Variants in RBFOX1 observed in about 807,000 individuals in gnomAD.
RBFOX1 encodes RNA binding fox-1 homolog 1.
Under a neutral mutation model 57.7 loss-of-function variants are expected in RBFOX1, and 8 were observed. That is an observed-to-expected ratio of 0.14 (90% CI 0.08 to 0.25). The LOEUF is 0.25. Among genes scored for constraint, RBFOX1 ranks in the 10% least tolerant of loss-of-function variants. The pLI is 1.00. For missense variants in RBFOX1, 611 were observed against 548.5 expected (o/e 1.11, Z -1.14); for synonymous variants, 326 against 222.4 (o/e 1.47, Z -4.15).
intron 4 of RBFOX1, among the ~76,000 whole-genome samples, chr16:7,449,480 G>A (rs529772958): frequency 5.9e-5 from 9 of 152,194 alleles, no homozygotes; most frequent in African/African-American, 1.9e-4. Flanking sequence ...TCACTAACGC[G>A]CCCCTTGCCA....
At chr16:6,263,375 T>G (rs935065174) in intron 1 of RBFOX1, among the ~76,000 whole-genome samples, 6 of 152,172 alleles carry the variant, frequency 3.9e-5, no homozygotes, top group Non-Finnish European at 8.8e-5. Flanking sequence ...ATCTATGTTT[T>G]CACGGGAGGG....
chr16:6,901,387 ACAGGACGTTC>A (rs966340532), intron 3 of RBFOX1, among the ~76,000 whole-genome samples: 5 of 152,142 alleles, frequency 3.3e-5, no homozygotes, highest in African/African-American at 1.2e-4. Flanking sequence ...ATCAAAGTGA[ACAGGACGTTC>A]CTACTACCTT....
chr16:6,818,649 C>T (rs1378643556), intron 3 of RBFOX1, among the ~76,000 whole-genome samples: 4 of 152,244 alleles, frequency 2.6e-5, no homozygotes, highest in African/African-American at 9.6e-5. Flanking sequence ...TGCTATTATT[C>T]ATTTTTCCCC....
Position 5,835,657 on chromosome 16 carries a change from C to T in RBFOX1, c.319-31646C>T, listed in dbSNP as rs1284160934. Among the ~76,000 whole-genome samples, 4 of 152,310 alleles carry T rather than the reference C, an allele frequency of 2.6e-5. No homozygotes were observed. The East Asian group carries it at 5.8e-4, about 22-fold the overall frequency. The stretch of plus-strand genomic sequence containing the variant: ...TCTGAAGCAGGTGGCTCTGCCTGGA[C>T]CCTTCTTCTTAAGGTTTTATGAGGA... On this transcript the variant is annotated intron_variant, in intron 3 of 19. Coordinates refer to the RBFOX1 transcript ENST00000641259.
chr16:7,243,349 T>C (rs1391802856), intron 4 of RBFOX1, among the ~76,000 whole-genome samples: 1 of 152,178 alleles, frequency 6.6e-6, no homozygotes, highest in Non-Finnish European at 1.5e-5. Context: ...TTTAGTTCTT[T>C]TATGTATGAG....
At chr16:6,052,801 A>AAATAT (rs1018380920) in intron 1 of RBFOX1, among the ~76,000 whole-genome samples, 1 of 85,906 alleles carries the variant, frequency 1.2e-5, no homozygotes, top group African/African-American at 4.1e-5. Flanking sequence ...AAATAAAATA[A>AAATAT]AATATAATAA....
chr16:5,851,358 C>T (rs939790403), intron 3 of RBFOX1, among the ~76,000 whole-genome samples: 5 of 152,106 alleles, frequency 3.3e-5, no homozygotes, highest in Non-Finnish European at 7.4e-5. Context: ...TTCATTTCAC[C>T]GTCATCTTGC....
chr16:5,649,791 G>A (rs2049172594), intron 3 of RBFOX1, among the ~76,000 whole-genome samples: 1 of 152,192 alleles, frequency 6.6e-6, no homozygotes, highest in Admixed American at 6.5e-5. Flanking sequence ...AACTGCTTGT[G>A]TTGACAACAT....
At chr16:7,023,290 C>G (rs987167279) in intron 3 of RBFOX1, among the ~76,000 whole-genome samples, 1 of 151,714 alleles carries the variant, frequency 6.6e-6, no homozygotes, top group African/African-American at 2.4e-5. Context: ...CAGACCGCAT[C>G]TCTACTAAAA....
intron 1 of RBFOX1, among the ~76,000 whole-genome samples, chr16:6,064,135 G>C (rs760126432): frequency 6.6e-6 from 1 of 152,068 alleles, no homozygotes; most frequent in African/African-American, 2.4e-5. Flanking sequence ...ACTACTGAAG[G>C]TATTTCAGCT....
intron 3 of RBFOX1, among the ~76,000 whole-genome samples, chr16:5,737,838 T>G (rs141234704): frequency 6.6e-6 from 1 of 152,158 alleles, no homozygotes; most frequent in South Asian, 2.1e-4. Flanking sequence ...TTGTTTCTTT[T>G]TTTATTCTTT....
intron 1 of RBFOX1, among the ~76,000 whole-genome samples, chr16:5,247,997 G>A (rs1037993842): frequency 6.6e-6 from 1 of 152,170 alleles, no homozygotes; most frequent in African/African-American, 2.4e-5. Context: ...TTTGTATGGG[G>A]AAGAGAAAGG....
intron 3 of RBFOX1, among the ~76,000 whole-genome samples, chr16:6,933,799 T>A (rs1322478320): frequency 6.6e-6 from 1 of 152,216 alleles, no homozygotes; most frequent in Admixed American, 6.5e-5. Flanking sequence ...GTGTTCATTT[T>A]CTATATCCAA....
intron 1 of RBFOX1, among the ~76,000 whole-genome samples, chr16:6,192,934 G>T (rs990704437): frequency 6.6e-6 from 1 of 152,058 alleles, no homozygotes. Flanking sequence ...ATATTATGTC[G>T]AAATTCAATT....
At chr16:7,399,214 G>A (rs1397042164) in intron 4 of RBFOX1, among the ~76,000 whole-genome samples, 5 of 152,216 alleles carry the variant, frequency 3.3e-5, no homozygotes, top group African/African-American at 9.6e-5. Context: ...TTGGGAGGCC[G>A]AAGCAGGTGG....
chr16:5,836,103 G>T (rs867363061), intron 3 of RBFOX1, among the ~76,000 whole-genome samples: 7 of 152,176 alleles, frequency 4.6e-5, no homozygotes, highest in Admixed American at 2.6e-4. Flanking sequence ...TTAATTAGTC[G>T]TGAGGCTGTG....
chr16:7,488,368 T>C (rs950342696), intron 4 of RBFOX1, among the ~76,000 whole-genome samples: 3 of 152,220 alleles, frequency 2.0e-5, no homozygotes, highest in Non-Finnish European at 4.4e-5. Context: ...CATTTAGATA[T>C]ACAACTATGT....
At chr16:6,847,241 T>A (rs2093804771) in intron 3 of RBFOX1, among the ~76,000 whole-genome samples, 2 of 152,156 alleles carry the variant, frequency 1.3e-5, no homozygotes, top group South Asian at 4.1e-4. Flanking sequence ...ATACAACATG[T>A]ATCTCTCATG....
chr16:7,698,562 A>AGGTAATATTTAATATTTAGAAGAAGTTTC (rs889282337), intron 14 of RBFOX1, among the ~76,000 whole-genome samples: 4 of 152,154 alleles, frequency 2.6e-5, no homozygotes, highest in Middle Eastern at 3.2e-3. Context: ...TTAAAACTTT[A>AGGTAATATTTAATATTTAGAAGAAGTTTC]GGTAATATTT....
Sources: allele counts gnomAD v4.1 joint callset (sites outside exome capture counted in the v4.1 genomes callset), GRCh38; gene constraint gnomAD v4.1.1; transcripts MANE v1.5; gene names NCBI Gene and HGNC (gene_info 2026-07-23, HGNC 2026-07-21).